The following EPHX4 variants were observed in gnomAD, a reference collection of about 807,000 sequenced individuals.
EPHX4 encodes the protein epoxide hydrolase 4.
Under a neutral mutation model 44.9 loss-of-function variants are expected in EPHX4, and 31 were observed. The ratio of observed to expected loss-of-function variants is 0.69; its 90% CI spans 0.52 to 0.93. The LOEUF (loss-of-function observed/expected upper bound fraction) is 0.93. Among genes scored for constraint, EPHX4 ranks in the 40% least tolerant of loss-of-function variants. The pLI is 0.00. For synonymous variants in EPHX4, 151 were observed against 159.7 expected (o/e 0.95, Z 0.41); for missense variants, 373 against 438.1 (o/e 0.85, Z 1.33).
chr1:92,060,911 T>A (rs1647481541), intron 6 of EPHX4, among the ~76,000 whole-genome samples: 1 of 151,948 alleles, frequency 6.6e-6, no homozygotes, highest in Non-Finnish European at 1.5e-5. Flanking sequence ...AGACGGAGTT[T>A]GCTCTGTTCC....
rs1340025898 is a variant in EPHX4 at position 92,045,721 on chromosome 1, C to T, written c.604+61C>T. 180 of 1,593,460 alleles carry T rather than the reference C, an allele frequency of 1.1e-4. 3 individuals are homozygous for T. The highest frequency in any genetic ancestry group is 1.5e-5 in the Non-Finnish European group (17 of 1,169,808). On this transcript the variant is annotated intron_variant, in intron 4 of 6. Transcript: ENST00000370383. ...TGTGACAATTCACTCTTGCCACTGA[C>T]CTTTTGGATTAGAAACAGCAAAATT...
intron 6 of EPHX4, among the ~76,000 whole-genome samples, chr1:92,054,531 T>A (rs1335211537): frequency 2.8e-5 from 4 of 141,706 alleles, no homozygotes; most frequent in Admixed American, 7.7e-5. Flanking sequence ...GCGGTTGCAG[T>A]GAACCGAGAT....
At chr1:92,061,152 C>T (rs1015736711) in intron 6 of EPHX4, among the ~76,000 whole-genome samples, 40 of 152,004 alleles carry the variant, frequency 2.6e-4, no homozygotes, top group Admixed American at 6.6e-5. Context: ...AGTGCTGGGG[C>T]GTGTGAGCCA....
chr1:92,033,911 A>G (rs1279920728), intron 2 of EPHX4, among the ~76,000 whole-genome samples: 2 of 151,674 alleles, frequency 1.3e-5, no homozygotes, highest in Non-Finnish European at 2.9e-5. Flanking sequence ...TATTCAGACC[A>G]TAGCAGTTAC....
intron 6 of EPHX4, among the ~76,000 whole-genome samples, chr1:92,060,122 G>A (rs2101876806): frequency 1.3e-5 from 2 of 152,104 alleles, no homozygotes; most frequent in African/African-American, 4.8e-5. Context: ...ATATCATAAG[G>A]TTATTGGGGC....
chr1:92,045,810 C>A, intron 4 of EPHX4, 150 bp downstream of exon 4: 1 of 820,564 alleles, frequency 1.2e-6, no homozygotes, highest in Non-Finnish European at 1.9e-6. Context: ...GTGTCAGATA[C>A]CTTGGTTTTC....
intron 2 of EPHX4, 38 bp downstream of exon 2, chr1:92,032,628 C>A: frequency 6.5e-7 from 1 of 1,548,832 alleles, no homozygotes. Flanking sequence ...TACATTAAAA[C>A]TTGGCTTATT....
Position 92,063,329 on chromosome 1 carries a change from A to G in EPHX4, c.*43A>G. 1 of 1,366,584 alleles carries G rather than the reference A, an allele frequency of 7.3e-7. No homozygotes were observed. The highest frequency in any genetic ancestry group is 9.7e-7 in the Non-Finnish European group (1 of 1,030,558). The allele number at this position is 1,366,584 out of a possible 1,614,324, so 84.7% of individuals were successfully genotyped here. Reference sequence around the variant, plus strand: ...TGAAGGGTCTGTAATGAAATCTCTAAATAATTTTTAAAAATTGTTCATCAA... The same window carrying G: ...TGAAGGGTCTGTAATGAAATCTCTAGATAATTTTTAAAAATTGTTCATCAA... On this transcript the variant is annotated 3_prime_UTR_variant, in exon 7 of 7. Coordinates refer to ENST00000370383, the MANE Select transcript of EPHX4 (RefSeq NM_173567.5).
In EPHX4 at chr1:92,030,310, G is replaced by A. The variant is rs746949723; in HGVS notation, c.231G>A (p.Lys77=). Residue 77 remains lysine, a splice_region_variant and synonymous_variant, in exon 1 of 7, where the codon AAG becomes AAA. Transcript: ENST00000370383. ...SLGTHCYVRI[K]DSGLRFHYVA... is the part of the protein sequence containing the mutation. ...GCACCCACTGCTACGTGCGGATCAA[G>A]GTGAAGGGCCGCGCGGGCCTGGCGG... 6.5e-7 allele frequency: 1 copy of A among 1,547,464 alleles called. No homozygotes were observed. The highest frequency in any genetic ancestry group is 1.2e-5 in the South Asian group (1 of 83,828).
intron 4 of EPHX4, among the ~76,000 whole-genome samples, chr1:92,048,331 G>T (rs939242298): frequency 3.1e-4 from 47 of 152,172 alleles, no homozygotes; most frequent in African/African-American, 1.1e-3. Flanking sequence ...AATTGATCAG[G>T]ACCCAAGAGT....
chr1:92,059,378 G>A (rs767266157), intron 6 of EPHX4, among the ~76,000 whole-genome samples: 1 of 152,044 alleles, frequency 6.6e-6, no homozygotes, highest in Non-Finnish European at 1.5e-5. Flanking sequence ...CAGAGATTGC[G>A]GTGAGCCCAG....
intron 4 of EPHX4, among the ~76,000 whole-genome samples, chr1:92,047,912 G>A (rs1453669705): frequency 2.0e-5 from 3 of 152,134 alleles, no homozygotes; most frequent in Non-Finnish European, 4.4e-5. Context: ...CACTTTAAAG[G>A]CAACTCTTAA....
intron 3 of EPHX4, among the ~76,000 whole-genome samples, chr1:92,044,124 A>C (rs962556372): frequency 6.6e-6 from 1 of 152,224 alleles, no homozygotes; most frequent in African/African-American, 2.4e-5. Flanking sequence ...TAATGGAAGC[A>C]ATATAGTGAG....
At chr1:92,032,432 A>C in intron 1 of EPHX4, 73 bp from the exon 2 acceptor site, 1 of 1,145,970 alleles carries the variant, frequency 8.7e-7, no homozygotes. Context: ...TTTTTAATGA[A>C]ATGGAAATGC....
chr1:92,051,969 T>C (rs1247726300), intron 5 of EPHX4, among the ~76,000 whole-genome samples: 1 of 152,238 alleles, frequency 6.6e-6, no homozygotes, highest in African/African-American at 2.4e-5. Context: ...TATATGCTCA[T>C]TCTTTTTCTT....
At chr1:92,051,930 G>A (rs1235322617) in intron 5 of EPHX4, among the ~76,000 whole-genome samples, 1 of 152,072 alleles carries the variant, frequency 6.6e-6, no homozygotes, top group Non-Finnish European at 1.5e-5. Flanking sequence ...TATTTATTCT[G>A]AAATATAGTT....
intron 6 of EPHX4, among the ~76,000 whole-genome samples, chr1:92,056,056 T>C (rs1647359556): frequency 6.6e-6 from 1 of 151,922 alleles, no homozygotes; most frequent in South Asian, 2.1e-4. Context: ...TCAAAACAGT[T>C]TTATCAAGGC....
At chr1:92,031,805 T>C (rs1456955561) in intron 1 of EPHX4, among the ~76,000 whole-genome samples, 1 of 152,166 alleles carries the variant, frequency 6.6e-6, no homozygotes, top group African/African-American at 2.4e-5. Context: ...ATTCCCATGT[T>C]TTTTTAATTT....
At position 92,030,245 on chromosome 1, in the gene EPHX4, CG is replaced by C; in HGVS notation, c.169del (p.Glu57SerfsTer7). The C allele has an allele frequency of 6.2e-7, 1 of 1,603,276 alleles. No homozygotes were observed. Among genetic ancestry groups the C allele is most frequent in the Non-Finnish European group, 8.5e-7 (1 of 1,175,180 alleles). On this transcript the variant is annotated frameshift_variant, in exon 1 of 7. Coordinates refer to ENST00000370383, the MANE Select transcript of EPHX4 (RefSeq NM_173567.5). LOFTEE classifies it high-confidence loss of function. ...GGCGCAGACCTTCCGGCGGCCCGCC[CG>C]GGAGCACCCTCCCGCGTGCCTGAGC... ...GPAQTFRRPAREHPPACLSDP... is the reference protein window; with the variant it reads ...GPAQTFRRPAXEHPPACLSDP...
Sources: gnomAD v4.1 joint callset for allele counts (sites outside exome capture counted in the v4.1 genomes callset) on GRCh38, gnomAD v4.1.1 for gene constraint, MANE v1.5 for transcripts, NCBI Gene and HGNC (gene_info 2026-07-23, HGNC 2026-07-21) for gene names.